The following ABHD2 variants were observed in gnomAD, a reference collection of about 807,000 sequenced individuals.
ABHD2 encodes abhydrolase domain containing 2, acylglycerol lipase, also known as monoacylglycerol lipase ABHD2.
Under a neutral mutation model 48.1 loss-of-function variants are expected in ABHD2, and 20 were observed. The observed-to-expected ratio is 0.42, with a 90% confidence interval of 0.29 to 0.60. The LOEUF (loss-of-function observed/expected upper bound fraction) is 0.60. Ranked by LOEUF, ABHD2 falls within the 20% of genes least tolerant of loss-of-function variation. The pLI is 0.24. For synonymous variants in ABHD2, 209 were observed against 214.2 expected, an observed-to-expected ratio of 0.98 and a Z score of 0.21; for missense variants, 405 against 550.9, an observed-to-expected ratio of 0.74 and a Z score of 2.65.
Position 89,100,536 on chromosome 15 carries a change from C to T in ABHD2, c.-107+11973C>T, listed in dbSNP as rs1215010448. On this transcript the variant is annotated intron_variant, in intron 1 of 10. Coordinates refer to ENST00000352732, the MANE Select transcript of ABHD2 (RefSeq NM_152924.5). The surrounding 1 kb of genome is among the most constrained non-coding windows in gnomAD (Gnocchi z 4.4). Reference sequence around the variant, plus strand: ...GAAAGCATCTCAATGAAGCAGAAATCTTTGTAGAAATATTTTTCCATTCTC... The same window carrying T: ...GAAAGCATCTCAATGAAGCAGAAATTTTTGTAGAAATATTTTTCCATTCTC... 6.6e-6 allele frequency among the ~76,000 whole-genome samples: 1 copy of T among 152,144 alleles called. No individual in the cohort carries two copies. The highest frequency in any genetic ancestry group is 1.5e-5 in the Non-Finnish European group (1 of 68,036).
chr15:89,195,452 G>A lies in ABHD2; in HGVS notation c.*29G>A. 1 of 1,604,022 alleles carries A rather than the reference G, an allele frequency of 6.2e-7. No individual in the cohort carries two copies. Among genetic ancestry groups the A allele is most frequent in the Non-Finnish European group, 8.5e-7 (1 of 1,175,186 alleles). On this transcript the variant is annotated 3_prime_UTR_variant, in exon 11 of 11. Transcript: ENST00000352732. The surrounding 1 kb of genome is among the most constrained non-coding windows in gnomAD (Gnocchi z 5.1). The stretch of plus-strand genomic sequence containing the variant: ...CTCCGGACTCTGGCACGCTCCAGCA[G>A]CCCTCCTCTGGAAGCTGCGTCCCCT...
At chr15:89,193,878 G>A (rs1346288105) in intron 10 of ABHD2, among the ~76,000 whole-genome samples, 1 of 147,794 alleles carries the variant, frequency 6.8e-6, no homozygotes, top group Non-Finnish European at 1.5e-5. Flanking sequence ...CCGAGATCAC[G>A]CCACTGCACT....
chr15:89,201,822 A>AGG lies in ABHD2; in HGVS notation c.*6403_*6404dup, dbSNP rs2051468616. 1 of 1,245,662 alleles carries AGG rather than the reference A, an allele frequency of 8.0e-7. No individual in the cohort carries two copies. Among genetic ancestry groups the AGG allele is most frequent in the South Asian group, 1.2e-5 (1 of 82,844 alleles). The allele number at this position is 1,245,662 out of a possible 1,614,324, so 77.2% of individuals were successfully genotyped here. Reference sequence around the variant, plus strand: ...CGCCATTGGAGAGACAGCGCAGAGCAGGGGGCGGCTTGCTCGCTGGGGGCG... The same window carrying AGG: ...CGCCATTGGAGAGACAGCGCAGAGCAGGGGGGGCGGCTTGCTCGCTGGGGGCG... On this transcript the variant is annotated 3_prime_UTR_variant, in exon 11 of 11. Transcript: ENST00000352732.
At chr15:89,062,022 C>T in the ABHD2 span, among the ~76,000 whole-genome samples, 1 of 152,140 alleles carries the variant, frequency 6.6e-6, no homozygotes, top group East Asian at 1.9e-4. Context: ...AGTGAGGGAA[C>T]AGTAGGCCAG....
At position 89,137,207 on chromosome 15, in the gene ABHD2, G is replaced by A. The variant is rs2050329327; in HGVS notation, c.195-14470G>A. 6.6e-6 allele frequency among the ~76,000 whole-genome samples: 1 copy of A among 152,134 alleles called. No individual in the cohort carries two copies. The highest frequency in any genetic ancestry group is 1.5e-5 in the Non-Finnish European group (1 of 68,018). On this transcript the variant is annotated intron_variant, in intron 3 of 10. Transcript: ENST00000352732. The surrounding 1 kb of genome is among the most constrained non-coding windows in gnomAD (Gnocchi z 4.8). ...ACTTAAAGCATGGTGTCAAAACCAGGTTGAAATGCAACGTGAGGAGAGAGG... is the reference window on the plus strand; with the variant it reads ...ACTTAAAGCATGGTGTCAAAACCAGATTGAAATGCAACGTGAGGAGAGAGG...
In ABHD2 at chr15:89,151,755, G is replaced by C. The variant is rs141659881; in HGVS notation, c.273G>C (p.Ser91=). ...ATGGGAAGATGGGAAGGGTGAGGTC[G>C]CCACATCCTTATGGGCACCGGAAGT... ...ALYGKMGRVR[S]PHPYGHRKFI... is the part of the protein sequence containing the mutation. Residue 91 remains serine (S), a synonymous_variant, in exon 4 of 11, where the codon TCG becomes TCC. Transcript: ENST00000352732. This position sits in a 1 kb window ranked among gnomAD's most constrained non-coding sequence, Gnocchi z 4.7. 216 of 1,614,202 alleles carry C rather than the reference G, an allele frequency of 1.3e-4. No homozygotes were observed. In the African/African-American group the frequency reaches 2.4e-3, roughly 18 times the overall value.
intron 8 of ABHD2, among the ~76,000 whole-genome samples, chr15:89,190,164 C>T (rs16942827): frequency 6.6e-6 from 1 of 152,100 alleles, no homozygotes; most frequent in Admixed American, 6.5e-5. Context: ...GCTTAAAGAC[C>T]CTAGTCAAAA....
intron 3 of ABHD2, chr15:89,136,413 T>C (rs1195497224): frequency 1.2e-5 from 6 of 501,876 alleles, no homozygotes; most frequent in Non-Finnish European, 1.9e-5. Flanking sequence ...ATGTTTGTTC[T>C]TATGTGCCTC....
At chr15:89,047,552 C>G in the ABHD2 span, among the ~76,000 whole-genome samples, 7 of 142,852 alleles carry the variant, frequency 4.9e-5, 1 homozygote, top group Non-Finnish European at 7.6e-5. Flanking sequence ...GTAGGTCACT[C>G]AGGACTTGCT....
At chr15:89,082,143 A>C in the ABHD2 span, among the ~76,000 whole-genome samples, 6 of 152,268 alleles carry the variant, frequency 3.9e-5, no homozygotes, top group South Asian at 2.1e-4. This position sits in a 1 kb window ranked among gnomAD's most constrained non-coding sequence, Gnocchi z 4.4. Flanking sequence ...GAGGGATGAA[A>C]CTGCCCCCAG....
At position 89,182,796 on chromosome 15, in the gene ABHD2, A is replaced by G. The variant is rs1407476481; in HGVS notation, c.723-2628A>G. 6.6e-6 allele frequency among the ~76,000 whole-genome samples: 1 copy of G among 152,138 alleles called. No homozygotes were observed. Among genetic ancestry groups the G allele is most frequent in the Non-Finnish European group, 1.5e-5 (1 of 68,020 alleles). ...CAACAGAGTGAGACTCCATCTCAAGAAACAAAAACAAAAAAAGAACTTGGA... is the reference window on the plus strand; with the variant it reads ...CAACAGAGTGAGACTCCATCTCAAGGAACAAAAACAAAAAAAGAACTTGGA... On this transcript the variant is annotated intron_variant, in intron 6 of 10. Coordinates refer to ENST00000352732, the MANE Select transcript of ABHD2 (RefSeq NM_152924.5). This position sits in a 1 kb window ranked among gnomAD's most constrained non-coding sequence, Gnocchi z 4.8.
the ABHD2 span, among the ~76,000 whole-genome samples, chr15:89,053,607 C>T: frequency 4.0e-3 from 613 of 152,266 alleles, 4 homozygotes; most frequent in Middle Eastern, 0.024. Context: ...AAGGTGGACA[C>T]AGGAGGCACT....
chr15:89,133,097 C>A (rs1316617815), intron 3 of ABHD2, among the ~76,000 whole-genome samples: 1 of 152,160 alleles, frequency 6.6e-6, no homozygotes, highest in Non-Finnish European at 1.5e-5. Flanking sequence ...CCCAGAGGTT[C>A]TTTTATCAGC....
the ABHD2 span, among the ~76,000 whole-genome samples, chr15:89,053,005 C>T: frequency 4.0e-5 from 6 of 148,536 alleles, no homozygotes; most frequent in Middle Eastern, 3.4e-3. Flanking sequence ...TCTCACTCTG[C>T]TGCCCAGGCT....
upstream of ABHD2, among the ~76,000 whole-genome samples, chr15:89,083,312 T>C (rs773755482): frequency 6.6e-6 from 1 of 152,180 alleles, no homozygotes; most frequent in African/African-American, 2.4e-5. The surrounding 1 kb of genome is among the most constrained non-coding windows in gnomAD (Gnocchi z 5.1). Context: ...TATCGACTGT[T>C]TTGCAATTAA....
upstream of ABHD2, among the ~76,000 whole-genome samples, chr15:89,085,253 C>T (rs149158735): frequency 1.3e-5 from 2 of 151,944 alleles, no homozygotes; most frequent in African/African-American, 2.4e-5. The surrounding 1 kb of genome is among the most constrained non-coding windows in gnomAD (Gnocchi z 4.2). Context: ...GGTACTGTCA[C>T]GGTTTTGAAA....
chr15:89,193,333 C>T lies in ABHD2; in HGVS notation c.1081+14C>T, dbSNP rs1596168131. Reference sequence around the variant, plus strand: ...AATCTCTTTCAGGTAAGTGTTTCTTCCTGCTGCCCTCTCAACAGCTCAGCA... The same window carrying T: ...AATCTCTTTCAGGTAAGTGTTTCTTTCTGCTGCCCTCTCAACAGCTCAGCA... On this transcript the variant is annotated intron_variant, in intron 10 of 10. Transcript: ENST00000352732. 6.2e-7 allele frequency: 1 copy of T among 1,607,598 alleles called. No homozygotes were observed. Among genetic ancestry groups the T allele is most frequent in the African/African-American group, 1.3e-5 (1 of 74,794 alleles).
intron 6 of ABHD2, chr15:89,183,283 CTA>C (rs1369025462): frequency 2.1e-5 from 3 of 145,506 alleles, no homozygotes; most frequent in South Asian, 2.2e-4. Flanking sequence ...ATTGATTTGT[CTA>C]TGTTTCTTTT....
chr15:89,041,857 A>G, the ABHD2 span, among the ~76,000 whole-genome samples: 2 of 152,086 alleles, frequency 1.3e-5, no homozygotes, highest in Non-Finnish European at 1.5e-5. Context: ...AGAATAAGCA[A>G]CCTGAGACCT....
Sources: allele counts gnomAD v4.1 joint callset (sites outside exome capture counted in the v4.1 genomes callset), GRCh38; gene constraint gnomAD v4.1.1; non-coding constraint Gnocchi (gnomAD v3.1); transcripts MANE v1.5; gene names NCBI Gene and HGNC (gene_info 2026-07-23, HGNC 2026-07-21).